The following ADGRL2 variants were observed in gnomAD, a reference collection of about 807,000 sequenced individuals.
ADGRL2 encodes calcium-independent alpha-latrotoxin receptor 2.
ADGRL2 carries 44 observed loss-of-function variants against 157.4 expected under a neutral mutation model. The ratio of observed to expected loss-of-function variants is 0.28; its 90% confidence interval spans 0.22 to 0.36. ADGRL2 has a LOEUF of 0.36. Ranked by LOEUF, ADGRL2 falls within the 10% of genes least tolerant of loss-of-function variation. ADGRL2 has a pLI of 1.00. For synonymous variants in ADGRL2, 585 were observed against 624.7 expected, an observed-to-expected ratio of 0.94 and a Z score of 0.95; for missense variants, 1,510 against 1,768.9, an observed-to-expected ratio of 0.85 and a Z score of 2.63.
At position 81,683,655 on chromosome 1, in the gene ADGRL2, ATG is replaced by A. The variant is rs142461133; in HGVS notation, c.-142-78140_-142-78139del. On this transcript the variant is annotated intron_variant, in intron 3 of 24. Transcript: ENST00000370721. The stretch of plus-strand genomic sequence containing the variant: ...TTTTATGGCTGCGTAGTATTCCATT[ATG>A]TGTGTGTGTGTGTGTATGTATGTAC... Among the ~76,000 whole-genome samples, 8 of 150,798 alleles carry A rather than the reference ATG, an allele frequency of 5.3e-5. No homozygotes were observed. The East Asian group carries it at 7.8e-4, about 15-fold the overall frequency.
intron 3 of ADGRL2, among the ~76,000 whole-genome samples, chr1:81,686,587 T>C (rs761811217): frequency 1.4e-4 from 22 of 152,316 alleles, no homozygotes; most frequent in Admixed American, 2.6e-4. Flanking sequence ...ATCAGCTTTT[T>C]GTTTCATTTA....
At chr1:81,399,501 T>G (rs1464739332) in intron 1 of ADGRL2, among the ~76,000 whole-genome samples, 2 of 152,140 alleles carry the variant, frequency 1.3e-5, no homozygotes, top group East Asian at 3.9e-4. Flanking sequence ...TTTTTTCTGA[T>G]TGAGTAATTT....
chr1:81,651,098 G>C (rs1000230611), intron 3 of ADGRL2, among the ~76,000 whole-genome samples: 2 of 152,196 alleles, frequency 1.3e-5, no homozygotes, highest in Admixed American at 6.5e-5. Flanking sequence ...GATCAGAATA[G>C]AGTCCAAAGT....
At chr1:81,872,611 G>A (rs1293048537) in intron 2 of ADGRL2, among the ~76,000 whole-genome samples, 6 of 152,040 alleles carry the variant, frequency 3.9e-5, no homozygotes, top group Non-Finnish European at 7.4e-5. Context: ...GGACTTTTGT[G>A]TTTCAGTTTG....
intron 3 of ADGRL2, among the ~76,000 whole-genome samples, chr1:81,608,207 G>C (rs1342561565): frequency 6.6e-6 from 1 of 152,130 alleles, no homozygotes; most frequent in Non-Finnish European, 1.5e-5. Flanking sequence ...AAGGTTCACT[G>C]TTCAGTCCAT....
chr1:81,937,276 A>C (rs1420792440), intron 4 of ADGRL2, among the ~76,000 whole-genome samples: 1 of 151,888 alleles, frequency 6.6e-6, no homozygotes, highest in Non-Finnish European at 1.5e-5. Context: ...GCAGTAACTG[A>C]GGCAAGTGCT....
At chr1:81,624,516 AG>A (rs1237722326) in intron 3 of ADGRL2, among the ~76,000 whole-genome samples, 1 of 152,112 alleles carries the variant, frequency 6.6e-6, no homozygotes, top group Admixed American at 6.5e-5. Context: ...CAGGAGGCAG[AG>A]GTTGCAGTGA....
chr1:81,807,898 A>G (rs757642619), intron 1 of ADGRL2, among the ~76,000 whole-genome samples: 10 of 151,822 alleles, frequency 6.6e-5, no homozygotes, highest in Non-Finnish European at 1.3e-4. Flanking sequence ...GTAGGCAATA[A>G]TTTGTAGATA....
intron 6 of ADGRL2, among the ~76,000 whole-genome samples, chr1:81,947,731 A>G (rs908036063): frequency 2.0e-5 from 3 of 152,150 alleles, no homozygotes; most frequent in Admixed American, 6.6e-5. Flanking sequence ...TCACATGAGG[A>G]AAAAAAGTTG....
At chr1:81,981,158 C>A in intron 18 of ADGRL2, 1 of 407,708 alleles carries the variant, frequency 2.5e-6, no homozygotes, top group East Asian at 6.7e-5. Flanking sequence ...CAAGTAAGAT[C>A]ATTAGTTAGA....
chr1:81,372,569 G>T (rs944398541), intron 1 of ADGRL2, among the ~76,000 whole-genome samples: 2 of 152,154 alleles, frequency 1.3e-5, no homozygotes, highest in East Asian at 3.9e-4. Context: ...GATGTTTTTG[G>T]CTTCCTTTGC....
intron 1 of ADGRL2, among the ~76,000 whole-genome samples, chr1:81,398,630 T>C (rs531724124): frequency 6.6e-6 from 1 of 152,320 alleles, no homozygotes; most frequent in East Asian, 1.9e-4. Flanking sequence ...TATTTATCCC[T>C]CTTTCTGAAG....
chr1:81,952,918 A>T (rs1390064815), intron 9 of ADGRL2, 69 bp from the exon 10 acceptor site: 1 of 1,272,824 alleles, frequency 7.9e-7, no homozygotes, highest in Admixed American at 1.7e-5. Flanking sequence ...ATTTTTGAGG[A>T]TTTCTTCTTT....
At chr1:81,396,957 C>T (rs2101192682) in intron 1 of ADGRL2, among the ~76,000 whole-genome samples, 1 of 152,206 alleles carries the variant, frequency 6.6e-6, no homozygotes, top group South Asian at 2.1e-4. Flanking sequence ...GTGTTCTTGT[C>T]TGATTTTGAT....
chr1:81,392,630 C>A (rs1393722922), intron 1 of ADGRL2, among the ~76,000 whole-genome samples: 2 of 152,132 alleles, frequency 1.3e-5, no homozygotes, highest in Non-Finnish European at 2.9e-5. Context: ...AACCTCTCTG[C>A]TGGAAGCATA....
intron 1 of ADGRL2, among the ~76,000 whole-genome samples, chr1:81,828,594 TTTTTA>T (rs1340517457): frequency 3.3e-5 from 5 of 152,162 alleles, no homozygotes; most frequent in African/African-American, 1.2e-4. Flanking sequence ...TTTTCTCTGC[TTTTTA>T]TAACCTATGT....
chr1:81,538,619 C>T (rs1183451237), intron 2 of ADGRL2, among the ~76,000 whole-genome samples: 1 of 152,146 alleles, frequency 6.6e-6, no homozygotes, highest in African/African-American at 2.4e-5. Context: ...AATACAGCCT[C>T]ATACAAGGGT....
chr1:81,858,812 A>T (rs1457864640), intron 2 of ADGRL2, among the ~76,000 whole-genome samples: 1 of 152,144 alleles, frequency 6.6e-6, no homozygotes, highest in African/African-American at 2.4e-5. Flanking sequence ...TTTTTCCCGG[A>T]TGTAATATAA....
chr1:81,593,756 GACAA>G (rs1470443116), intron 3 of ADGRL2, among the ~76,000 whole-genome samples: 1 of 152,070 alleles, frequency 6.6e-6, no homozygotes, highest in African/African-American at 2.4e-5. Context: ...TCCTTCTGTA[GACAA>G]ACAGTTAAAA....
Sources: gnomAD v4.1 joint callset for allele counts (sites outside exome capture counted in the v4.1 genomes callset) on GRCh38, gnomAD v4.1.1 for gene constraint, MANE v1.5 for transcripts, NCBI Gene and HGNC (gene_info 2026-07-23, HGNC 2026-07-21) for gene names.